Variants in ATP11B observed in about 807,000 individuals in gnomAD.
ATP11B encodes the protein phospholipid-transporting ATPase IF.
In ATP11B, 81 loss-of-function variants were observed where a neutral mutation model predicts 157.8. That is an observed-to-expected ratio of 0.51 (90% CI 0.43 to 0.62). The LOEUF (loss-of-function observed/expected upper bound fraction) is 0.62. ATP11B is among the 20% of genes least tolerant of loss of function. The pLI is 0.00. For synonymous variants in ATP11B, 451 were observed against 469.4 expected (o/e 0.96, Z 0.51); for missense variants, 1,165 against 1,402.2 (o/e 0.83, Z 2.70).
chr3:182,799,083 T>C (rs1275100834), intron 1 of ATP11B, among the ~76,000 whole-genome samples: 2 of 152,240 alleles, frequency 1.3e-5, no homozygotes, highest in Admixed American at 6.5e-5. Flanking sequence ...GCTTTTTTTC[T>C]GTGAGTTTTC....
At chr3:182,797,500 G>T (rs530972281) in intron 1 of ATP11B, among the ~76,000 whole-genome samples, 1 of 152,288 alleles carries the variant, frequency 6.6e-6, no homozygotes, top group East Asian at 1.9e-4. Flanking sequence ...CTGAGGTCAG[G>T]AGTTCGAGAC....
intron 9 of ATP11B, among the ~76,000 whole-genome samples, chr3:182,848,274 C>A (rs1435829717): frequency 6.6e-6 from 1 of 152,172 alleles, no homozygotes; most frequent in East Asian, 1.9e-4. Flanking sequence ...CATGCCCTCC[C>A]CCATTTAGCC....
chr3:182,880,808 A>C (rs1221528103), intron 20 of ATP11B, 71 bp from the exon 21 acceptor site: 2 of 874,090 alleles, frequency 2.3e-6, no homozygotes, highest in Non-Finnish European at 3.5e-6. Flanking sequence ...TAGTCATTTC[A>C]GATAAATGAC....
intron 25 of ATP11B, among the ~76,000 whole-genome samples, chr3:182,890,714 A>G (rs1723116873): frequency 6.6e-6 from 1 of 152,130 alleles, no homozygotes; most frequent in Non-Finnish European, 1.5e-5. Flanking sequence ...CCTTTTGTTG[A>G]GTTTGTTTCT....
At chr3:182,845,016 ATT>A (rs1719388347) in intron 8 of ATP11B, among the ~76,000 whole-genome samples, 1 of 79,854 alleles carries the variant, frequency 1.3e-5, no homozygotes, top group Non-Finnish European at 2.5e-5. Context: ...ATTTTTTTTT[ATT>A]TTTGAGATGG....
chr3:182,881,076 G>A (rs1722389687), intron 21 of ATP11B, 95 bp downstream of exon 21: 1 of 781,838 alleles, frequency 1.3e-6, no homozygotes. Context: ...TTAAAGTACA[G>A]TATCAAATTT....
Position 182,818,198 on chromosome 3 carries a change from T to C in ATP11B, c.28-2062T>C, listed in dbSNP as rs531549875. 7.9e-5 allele frequency among the ~76,000 whole-genome samples: 12 copies of C among 152,338 alleles called. No homozygotes were observed. In the South Asian group the frequency reaches 2.3e-3, roughly 29 times the overall value. On this transcript the variant is annotated intron_variant, in intron 1 of 29. Transcript: ENST00000323116. ...TTGTGGAGTGGATGCTGAATAAATATGCTTCCTGCAGTCTAATGCTCCAGA... is the reference window on the plus strand; with the variant it reads ...TTGTGGAGTGGATGCTGAATAAATACGCTTCCTGCAGTCTAATGCTCCAGA...
chr3:182,812,942 C>G (rs1576958240), intron 1 of ATP11B, among the ~76,000 whole-genome samples: 1 of 152,246 alleles, frequency 6.6e-6, no homozygotes, highest in East Asian at 1.9e-4. Flanking sequence ...TACTCTTATT[C>G]CTTATATAAG....
At chr3:182,896,380 A>C (rs539013628) in intron 25 of ATP11B, among the ~76,000 whole-genome samples, 1 of 152,192 alleles carries the variant, frequency 6.6e-6, no homozygotes, top group African/African-American at 2.4e-5. Flanking sequence ...TACCATTTTT[A>C]CTGTGCAACA....
chr3:182,885,541 T>C (rs1244736457), intron 22 of ATP11B, among the ~76,000 whole-genome samples: 1 of 152,166 alleles, frequency 6.6e-6, no homozygotes, highest in Non-Finnish European at 1.5e-5. Context: ...ATGAGTATAT[T>C]GAGATGGAAA....
chr3:182,914,510 C>G, intron 29 of ATP11B: 1 of 985,380 alleles, frequency 1.0e-6, no homozygotes, highest in African/African-American at 1.7e-5. Context: ...TCCCCTACCT[C>G]TTCTTATGTC....
intron 23 of ATP11B, among the ~76,000 whole-genome samples, chr3:182,887,201 GACAAAGCCATGA>G (rs1272342149): frequency 6.6e-6 from 1 of 152,126 alleles, no homozygotes; most frequent in Non-Finnish European, 1.5e-5. Flanking sequence ...TAGACAGGGA[GACAAAGCCATGA>G]AAGGTAAACT....
chr3:182,888,764 C>T (rs2108569114), intron 24 of ATP11B, among the ~76,000 whole-genome samples: 1 of 151,892 alleles, frequency 6.6e-6, no homozygotes, highest in Middle Eastern at 3.4e-3. Flanking sequence ...CCCTGGCTGG[C>T]TTCAAACTCC....
At chr3:182,859,133 T>G (rs373036229) in intron 11 of ATP11B, 29 bp from the exon 12 acceptor site, 103 of 1,526,132 alleles carry the variant, frequency 6.7e-5, no homozygotes, top group Non-Finnish European at 8.9e-5. Flanking sequence ...TTATTTTTTC[T>G]TTTCAAACAA....
In ATP11B at chr3:182,865,452, A is replaced by G. The variant is rs777287313; in HGVS notation, c.1201-4A>G. The G allele has an allele frequency of 1.1e-5, 17 of 1,612,988 alleles. No homozygotes were observed. Among genetic ancestry groups the G allele is most frequent in the East Asian group, 2.2e-5 (1 of 44,806 alleles). ...TTATTTTCTTTTGTTTTCTATCTCT[A>G]TAGGTAGAGTACGTGTTTACAGATA... On this transcript the variant is annotated splice_polypyrimidine_tract_variant and splice_region_variant and intron_variant, in intron 12 of 29. Coordinates refer to ENST00000323116, the MANE Select transcript of ATP11B (RefSeq NM_014616.3).
chr3:182,843,510 T>G (rs935002529), intron 8 of ATP11B: 2 of 152,232 alleles, frequency 1.3e-5, no homozygotes, highest in Admixed American at 1.3e-4. Context: ...CTGGGGTGTT[T>G]AGTGGTCAAT....
chr3:182,904,416 CT>C (rs747320556), intron 28 of ATP11B, among the ~76,000 whole-genome samples: 5 of 152,214 alleles, frequency 3.3e-5, no homozygotes, highest in Non-Finnish European at 7.3e-5. Context: ...CCATATACAT[CT>C]TTCTGCTGAT....
intron 19 of ATP11B, among the ~76,000 whole-genome samples, chr3:182,875,744 A>G (rs1197633163): frequency 6.6e-6 from 1 of 152,076 alleles, no homozygotes; most frequent in African/African-American, 2.4e-5. Flanking sequence ...CCCGGCCCAT[A>G]TAGGGTCTTC....
chr3:182,910,852 CTTGTT>C (rs1368530790), intron 28 of ATP11B, among the ~76,000 whole-genome samples: 2 of 152,096 alleles, frequency 1.3e-5, no homozygotes, highest in East Asian at 1.9e-4. Context: ...TTGTTATTTT[CTTGTT>C]TTGTTTTAAT....
Sources: gnomAD v4.1 joint callset for allele counts (sites outside exome capture counted in the v4.1 genomes callset) on GRCh38, gnomAD v4.1.1 for gene constraint, MANE v1.5 for transcripts, NCBI Gene and HGNC (gene_info 2026-07-23, HGNC 2026-07-21) for gene names.